The following GAB2 variants were observed in gnomAD, a reference collection of about 807,000 sequenced individuals.
GAB2 encodes GRB2-associated-binding protein 2.
Under a neutral mutation model 65.5 loss-of-function variants are expected in GAB2, and 26 were observed. The ratio of observed to expected loss-of-function variants is 0.40; its 90% CI spans 0.29 to 0.55. GAB2 has a LOEUF of 0.55. GAB2 is among the 20% of genes least tolerant of loss of function. The probability of loss-of-function intolerance (pLI) is 0.53; values close to 1 mark genes in which losing one functional copy is unlikely to be tolerated. For missense variants in GAB2, 884 were observed against 875.8 expected, an observed-to-expected ratio of 1.01 and a Z score of -0.12; for synonymous variants, 321 against 329.6, an observed-to-expected ratio of 0.97 and a Z score of 0.28.
chr11:78,225,269 T>C, intron 4 of GAB2, 67 bp from the exon 5 acceptor site: 1 of 1,044,562 alleles, frequency 9.6e-7, no homozygotes, highest in South Asian at 1.3e-5. Context: ...ACCCATACCC[T>C]CACCAGTGTG....
At chr11:78,351,864 T>C (rs116523602) in intron 1 of GAB2, among the ~76,000 whole-genome samples, 429 of 152,186 alleles carry the variant, frequency 2.8e-3, no homozygotes, top group African/African-American at 9.8e-3. Context: ...CAAAAACTTG[T>C]ACTTTGACAG....
intron 1 of GAB2, among the ~76,000 whole-genome samples, chr11:78,301,874 C>A (rs559174806): frequency 6.6e-6 from 1 of 152,002 alleles, no homozygotes; most frequent in Admixed American, 6.6e-5. Flanking sequence ...ATAGAGAACC[C>A]AAAAATAAAC....
At chr11:78,351,447 T>C (rs1459610093) in intron 1 of GAB2, among the ~76,000 whole-genome samples, 1 of 152,142 alleles carries the variant, frequency 6.6e-6, no homozygotes, top group African/African-American at 2.4e-5. Context: ...TCTTTGTTTA[T>C]AAGGTCTTTG....
At chr11:78,389,367 C>T (rs1472485911) in intron 1 of GAB2, among the ~76,000 whole-genome samples, 3 of 150,586 alleles carry the variant, frequency 2.0e-5, no homozygotes, top group African/African-American at 7.3e-5. Context: ...AGTGCAATGG[C>T]ACAATCTCGG....
At chr11:78,406,276 T>G (rs1455148723) in intron 1 of GAB2, among the ~76,000 whole-genome samples, 1 of 152,190 alleles carries the variant, frequency 6.6e-6, no homozygotes, top group Non-Finnish European at 1.5e-5. Context: ...ACTAAGGCAG[T>G]GTCCCCTTCC....
At chr11:78,259,175 C>G (rs1472809683) in intron 2 of GAB2, among the ~76,000 whole-genome samples, 2 of 152,164 alleles carry the variant, frequency 1.3e-5, no homozygotes, top group African/African-American at 4.8e-5. Flanking sequence ...CTTTTAATAT[C>G]TTTATCCCTC....
chr11:78,405,901 C>A (rs1184937674), intron 1 of GAB2, among the ~76,000 whole-genome samples: 1 of 152,162 alleles, frequency 6.6e-6, no homozygotes, highest in Non-Finnish European at 1.5e-5. Flanking sequence ...AAGGAGCAGC[C>A]TAGCAAGAGA....
At chr11:78,407,915 A>ATTC (rs1490548505) in intron 1 of GAB2, among the ~76,000 whole-genome samples, 7 of 152,208 alleles carry the variant, frequency 4.6e-5, no homozygotes, top group African/African-American at 1.7e-4. Flanking sequence ...TGCTCAAAGA[A>ATTC]AAGAAGTGTC....
intron 1 of GAB2, among the ~76,000 whole-genome samples, chr11:78,362,274 TAGAGA>T (rs1350862003): frequency 6.6e-6 from 1 of 152,126 alleles, no homozygotes; most frequent in African/African-American, 2.4e-5. Flanking sequence ...GGCAGAAGGA[TAGAGA>T]AGAGACTTCT....
intron 1 of GAB2, among the ~76,000 whole-genome samples, chr11:78,364,559 G>A (rs980898213): frequency 1.3e-5 from 2 of 152,088 alleles, no homozygotes; most frequent in African/African-American, 4.8e-5. Context: ...CATCACCTAC[G>A]AATAGAGCTC....
intron 1 of GAB2, among the ~76,000 whole-genome samples, chr11:78,326,504 A>G (rs1306162327): frequency 6.6e-6 from 1 of 152,198 alleles, no homozygotes; most frequent in Non-Finnish European, 1.5e-5. Flanking sequence ...TGAAGAGTAA[A>G]TAACTGAAAC....
chr11:78,318,844 G>T (rs1002047664), intron 1 of GAB2, among the ~76,000 whole-genome samples: 4 of 152,164 alleles, frequency 2.6e-5, no homozygotes, highest in African/African-American at 9.7e-5. Flanking sequence ...AGGCAGCACT[G>T]GAAAAAGGAG....
At chr11:78,370,825 T>C (rs1413268804) in intron 1 of GAB2, among the ~76,000 whole-genome samples, 1 of 152,082 alleles carries the variant, frequency 6.6e-6, no homozygotes, top group Non-Finnish European at 1.5e-5. Context: ...AGCTTCCAAC[T>C]GCTCTGGTCA....
chr11:78,350,930 C>A (rs541540753), intron 1 of GAB2, among the ~76,000 whole-genome samples: 1 of 152,372 alleles, frequency 6.6e-6, no homozygotes, highest in African/African-American at 2.4e-5. Context: ...GGAAGACACA[C>A]AACCCGACAG....
At chr11:78,224,766 C>T (rs900499444) in intron 5 of GAB2, among the ~76,000 whole-genome samples, 11 of 152,086 alleles carry the variant, frequency 7.2e-5, no homozygotes, top group African/African-American at 2.2e-4. Flanking sequence ...CACACTGCAG[C>T]CTCCCTCCTG....
chr11:78,247,244 C>T (rs1014269188), intron 3 of GAB2, among the ~76,000 whole-genome samples: 2 of 152,158 alleles, frequency 1.3e-5, no homozygotes, highest in East Asian at 1.9e-4. Flanking sequence ...TTTTCAGAGT[C>T]TTTGGGTATT....
At chr11:78,231,050 A>G (rs1164339350) in intron 3 of GAB2, among the ~76,000 whole-genome samples, 1 of 152,214 alleles carries the variant, frequency 6.6e-6, no homozygotes, top group Non-Finnish European at 1.5e-5. Context: ...TACATATCAC[A>G]TGTGATCTCA....
At chr11:78,325,866 A>C (rs1321428399) in intron 1 of GAB2, among the ~76,000 whole-genome samples, 1 of 152,218 alleles carries the variant, frequency 6.6e-6, no homozygotes, top group Non-Finnish European at 1.5e-5. Flanking sequence ...TATTCCTATG[A>C]ACCTTCAGCA....
intron 1 of GAB2, among the ~76,000 whole-genome samples, chr11:78,281,921 A>G (rs7101429): frequency 0.16 from 23,853 of 152,214 alleles, 2,422 homozygotes; most frequent in East Asian, 0.4. Context: ...TGTTACACAC[A>G]GTAAGTAGCA....
Sources: gnomAD v4.1 joint callset for allele counts (sites outside exome capture counted in the v4.1 genomes callset) on GRCh38, gnomAD v4.1.1 for gene constraint, MANE v1.5 for transcripts, NCBI Gene and HGNC (gene_info 2026-07-23, HGNC 2026-07-21) for gene names.